Variants in SF1 observed in about 807,000 individuals in gnomAD.
SF1 encodes the protein splicing factor 1.
SF1 carries 7 observed loss-of-function variants against 62.5 expected under a neutral mutation model. That is an observed-to-expected ratio of 0.11 (90% confidence interval 0.06 to 0.21). The LOEUF (loss-of-function observed/expected upper bound fraction) is 0.21. Ranked by LOEUF, SF1 falls within the 10% of genes least tolerant of loss-of-function variation. The pLI is 1.00. For synonymous variants in SF1, 394 were observed against 323.6 expected (o/e 1.22, Z -2.33); for missense variants, 578 against 884.0 (o/e 0.65, Z 4.39).
Position 64,778,506 on chromosome 11 carries a change from C to A in SF1, c.-114G>T. 8.4e-7 allele frequency: 1 copy of A among 1,192,236 alleles called. No individual in the cohort carries two copies. 73.9% of individuals were successfully genotyped at this position (1,192,236 alleles called of 1,614,324 possible). Reference sequence around the variant, plus strand: ...CGCTGCCGGAGCGCGCGGAGCCCGTCCTCTCACGCGGCGGGCGGCGGCGGC... The same window carrying A: ...CGCTGCCGGAGCGCGCGGAGCCCGTACTCTCACGCGGCGGGCGGCGGCGGC... On this transcript the variant is annotated 5_prime_UTR_variant, in exon 1 of 13. Transcript: ENST00000377390.
rs1418725973 is a variant in SF1, at chr11:64,765,560, G to A, written c.*258C>T. 8 of 1,572,880 alleles carry A rather than the reference G, an allele frequency of 5.1e-6. No individual in the cohort carries two copies. The African/African-American group carries it at 5.5e-5, about 11-fold the overall frequency. On this transcript the variant is annotated 3_prime_UTR_variant, in exon 13 of 13. Transcript: ENST00000377390. Reference sequence around the variant, plus strand: ...GGGAGAGGCAAAGGGAGTTGGGTGAGGAGAGAAAGAAGACAAAGAAGACAC... The same window carrying A: ...GGGAGAGGCAAAGGGAGTTGGGTGAAGAGAGAAAGAAGACAAAGAAGACAC...
At chr11:64,774,125 T>A (rs1938753880) in intron 2 of SF1, among the ~76,000 whole-genome samples, 1 of 152,242 alleles carries the variant, frequency 6.6e-6, no homozygotes, top group Admixed American at 6.5e-5. Flanking sequence ...GGTCTCCCAA[T>A]ACCTGCAGCT....
chr11:64,778,511 C>T lies in SF1; in HGVS notation c.-119G>A. On this transcript the variant is annotated 5_prime_UTR_variant, in exon 1 of 13. Transcript: ENST00000377390. ...CCGGAGCGCGCGGAGCCCGTCCTCT[C>T]ACGCGGCGGGCGGCGGCGGCGCGAG... The T allele has an allele frequency of 1.7e-6, 2 of 1,180,452 alleles. No individual in the cohort carries two copies. The highest frequency in any genetic ancestry group is 1.0e-6 in the Non-Finnish European group (1 of 955,702). The allele number at this position is 1,180,452 out of a possible 1,614,324, so 73.1% of individuals were successfully genotyped here. A position where few individuals can be genotyped will look rare whatever the true frequency, so the allele number is the denominator to read the frequency against.
In SF1 at chr11:64,765,392, G is replaced by C. The variant is rs760572656; in HGVS notation, c.*426C>G. 2 of 1,207,548 alleles carry C rather than the reference G, an allele frequency of 1.7e-6. No homozygotes were observed. The highest frequency in any genetic ancestry group is 2.4e-6 in the Non-Finnish European group (2 of 818,814). The allele number at this position is 1,207,548 out of a possible 1,614,324, so 74.8% of individuals were successfully genotyped here. A position where few individuals can be genotyped will look rare whatever the true frequency, so the allele number is the denominator to read the frequency against. ...CGATTCCGTCCACAAAAATAACTCA[G>C]GCTGCTTTGCCGAACCATCCTGTCC... On this transcript the variant is annotated 3_prime_UTR_variant, in exon 13 of 13. Coordinates refer to ENST00000377390, the MANE Select transcript of SF1 (RefSeq NM_004630.4).
chr11:64,765,983 C>T lies in SF1; in HGVS notation c.1755G>A (p.Pro585=), dbSNP rs1226101767. The T allele has an allele frequency of 4.0e-5, 47 of 1,176,334 alleles. No homozygotes were observed. Among genetic ancestry groups the T allele is most frequent in the East Asian group, 1.1e-4 (2 of 18,798 alleles). 72.9% of individuals were successfully genotyped at this position (1,176,334 alleles called of 1,614,324 possible). A position where few individuals can be genotyped will look rare whatever the true frequency, so the allele number is the denominator to read the frequency against. Residue 585 remains proline, a synonymous_variant, in exon 13 of 13, where the codon CCG becomes CCA. Transcript: ENST00000377390. ...CGGCGGAACCAGGCGGTGGAGGCGG[C>T]GGAGGGGGAGGGGCCCCAGGCGGCA... ...PPLPPGAPPP[P]PPPPPGSAGM... is the part of the protein sequence containing the mutation.
chr11:64,767,922 G>A (rs1031514960), intron 9 of SF1, 78 bp from the exon 10 acceptor site: 1 of 1,547,472 alleles, frequency 6.5e-7, no homozygotes, highest in Non-Finnish European at 8.7e-7. Flanking sequence ...TATGACACAG[G>A]ACCAGAACAC....
Position 64,769,625 on chromosome 11 carries a change from T to TA in SF1, c.480-17_480-16insT. On this transcript the variant is annotated splice_polypyrimidine_tract_variant and intron_variant, in intron 5 of 12. Coordinates refer to ENST00000377390, the MANE Select transcript of SF1 (RefSeq NM_004630.4). Reference sequence around the variant, plus strand: ...GGTGTTCCCTCTAGAGAGGCAGAAATGACTAAGTTTATACCTGACAAATTC... The same window carrying TA: ...GGTGTTCCCTCTAGAGAGGCAGAAATAGACTAAGTTTATACCTGACAAATTC... 1 of 1,608,408 alleles carries TA rather than the reference T, an allele frequency of 6.2e-7. No individual in the cohort carries two copies. Among genetic ancestry groups the TA allele is most frequent in the African/African-American group, 1.3e-5 (1 of 74,864 alleles).
intron 5 of SF1, 109 bp from the exon 6 acceptor site, chr11:64,769,718 G>C (rs548296152): frequency 4.4e-5 from 46 of 1,045,432 alleles, no homozygotes; most frequent in South Asian, 3.9e-4. Flanking sequence ...CAGAGAATTG[G>C]ATTTTCCCAC....
At chr11:64,767,115 G>T in intron 11 of SF1, 36 bp from the exon 12 acceptor site, 1 of 1,610,240 alleles carries the variant, frequency 6.2e-7, no homozygotes, top group Non-Finnish European at 8.5e-7. Context: ...AGGCCTCAGG[G>T]AAAGGCGGGG....
At chr11:64,766,272 T>TGGGGGGGGGGGGGGGGG in intron 12 of SF1, 117 bp from the exon 13 acceptor site, 1 of 4,468 alleles carries the variant, frequency 2.2e-4, no homozygotes, top group South Asian at 6.0e-3. Context: ...TGCGGTACGG[T>TGGGGGGGGGGGGGGGGG]GGTGGGGGGC....
chr11:64,770,828 G>T (rs1938199729), intron 3 of SF1, among the ~76,000 whole-genome samples: 1 of 152,142 alleles, frequency 6.6e-6, no homozygotes. Flanking sequence ...GTTAACTCTT[G>T]GAGAGCTCAT....
At chr11:64,766,684 C>A (rs1009075410) in intron 12 of SF1, 1 of 460,942 alleles carries the variant, frequency 2.2e-6, no homozygotes, top group Non-Finnish European at 3.8e-6. Flanking sequence ...TCCAGGCCCC[C>A]ACGAACCTCT....
At chr11:64,773,543 G>C (rs947431381) in intron 2 of SF1, 38 bp from the exon 3 acceptor site, 1 of 1,587,652 alleles carries the variant, frequency 6.3e-7, no homozygotes, top group Admixed American at 1.9e-5. Flanking sequence ...AAAAAGGATG[G>C]AAAAAAGACA....
At chr11:64,770,452 C>G (rs780407477) in intron 3 of SF1, 44 bp from the exon 4 acceptor site, 1 of 1,594,484 alleles carries the variant, frequency 6.3e-7, no homozygotes, top group African/African-American at 1.3e-5. Context: ...ACCGACTTCT[C>G]TCATTCCCAC....
Position 64,766,052 on chromosome 11 carries a change from G to T in SF1, c.1686C>A (p.Gly562=), listed in dbSNP as rs1292620749. The T allele has an allele frequency of 6.2e-7, 1 of 1,611,568 alleles. No individual in the cohort carries two copies. The highest frequency in any genetic ancestry group is 1.7e-5 in the Admixed American group (1 of 59,992). ...GGGGCAGGGGCACCATAGTGGGGTT[G>T]CCTTGCATCTGAGGGGCTCCTGGAG... ...AASPGAPQMQ[G]NPTMVPLPPG... Residue 562 remains glycine, a synonymous_variant, in exon 13 of 13, where the codon GGC becomes GGA. Transcript: ENST00000377390.
chr11:64,767,715 G>C lies in SF1; in HGVS notation c.1198C>G (p.Pro400Ala). 1.2e-6 allele frequency: 2 copies of C among 1,612,892 alleles called. No homozygotes were observed. The stretch of plus-strand genomic sequence containing the variant: ...TGCCCACCTGTCAGGCTGGGTAATG[G>C]GTGTGGGAAGCTGTGGGGGCCACCT... ...PGGGPHSFPHPLPSLTGGHGG... is the reference protein window; with the variant it reads ...PGGGPHSFPHALPSLTGGHGG... Residue 400 changes from proline (P) to alanine (A), a missense_variant, in exon 10 of 13, where the codon CCA becomes GCA. Around this residue, in one of 7 missense-constraint regions of SF1, gnomAD observed 410 missense variants for 452.4 expected, o/e 0.91. Transcript: ENST00000377390.
intron 3 of SF1, 82 bp from the exon 4 acceptor site, chr11:64,770,490 C>T: frequency 6.7e-7 from 1 of 1,483,814 alleles, no homozygotes; most frequent in South Asian, 1.2e-5. Flanking sequence ...TTTCCCAGCC[C>T]CTCTGCCTCT....
intron 10 of SF1, 55 bp downstream of exon 10, chr11:64,767,516 G>T: frequency 6.7e-7 from 1 of 1,496,434 alleles, no homozygotes; most frequent in Non-Finnish European, 9.0e-7. Context: ...GCGACCTGAC[G>T]TAACCCCTTG....
chr11:64,771,371 G>C (rs1938298384), intron 3 of SF1: 1 of 771,002 alleles, frequency 1.3e-6, no homozygotes, highest in African/African-American at 1.9e-5. Flanking sequence ...TTGATATTCT[G>C]AATGAAAATT....
Sources: gnomAD v4.1 joint callset for allele counts (sites outside exome capture counted in the v4.1 genomes callset) on GRCh38, gnomAD v4.1.1 for gene constraint, gnomAD v4.1.1 regional missense constraint, MANE v1.5 for transcripts, NCBI Gene and HGNC (gene_info 2026-07-23, HGNC 2026-07-21) for gene names.